Variants in SDK1 observed in about 807,000 individuals in gnomAD.
The protein encoded by SDK1 is protein sidekick-1.
In SDK1, 157 loss-of-function variants were observed where a neutral mutation model predicts 245.5. The ratio of observed to expected loss-of-function variants is 0.64; its 90% CI spans 0.56 to 0.73. The LOEUF (loss-of-function observed/expected upper bound fraction) is 0.73, where lower values mean the gene tolerates loss of function less well. Ranked by LOEUF, SDK1 falls within the 30% of genes least tolerant of loss-of-function variation. The probability of loss-of-function intolerance (pLI) is 0.00; values close to 1 mark genes in which losing one functional copy is unlikely to be tolerated. For missense variants in SDK1, 3,583 were observed against 3,002.3 expected (o/e 1.19, Z -4.52); for synonymous variants, 1,647 against 1,278.5 (o/e 1.29, Z -6.15).
chr7:3,324,445 G>T (rs1779892932), intron 1 of SDK1, among the ~76,000 whole-genome samples: 1 of 152,062 alleles, frequency 6.6e-6, no homozygotes, highest in Non-Finnish European at 1.5e-5. Flanking sequence ...TTCAGCCTTT[G>T]AAAAGTCGTT....
At chr7:4,131,136 A>G (rs936567192) in intron 27 of SDK1, among the ~76,000 whole-genome samples, 18 of 152,202 alleles carry the variant, frequency 1.2e-4, no homozygotes, top group African/African-American at 4.1e-4. Context: ...GCTCCAGTGT[A>G]TTCCAGGTTT....
At chr7:3,827,284 C>T (rs982158693) in intron 5 of SDK1, among the ~76,000 whole-genome samples, 4 of 152,162 alleles carry the variant, frequency 2.6e-5, no homozygotes, top group East Asian at 3.9e-4. Flanking sequence ...TTCCAAAGAA[C>T]CTATTTTCAG....
intron 4 of SDK1, among the ~76,000 whole-genome samples, chr7:3,709,352 C>G (rs1360951995): frequency 1.3e-5 from 2 of 152,208 alleles, no homozygotes; most frequent in African/African-American, 2.4e-5. Context: ...ATGCTGGAGA[C>G]TGGGCATGCA....
At chr7:3,426,567 G>A (rs1242058693) in intron 1 of SDK1, among the ~76,000 whole-genome samples, 1 of 152,178 alleles carries the variant, frequency 6.6e-6, no homozygotes, top group South Asian at 2.1e-4. Flanking sequence ...TACCTAGCAC[G>A]TTGCATCCAA....
At chr7:3,949,762 T>C (rs1481570454) in intron 5 of SDK1, among the ~76,000 whole-genome samples, 2 of 152,182 alleles carry the variant, frequency 1.3e-5, no homozygotes, top group African/African-American at 4.8e-5. Flanking sequence ...TTTTCTCCCT[T>C]GTCACCAGAA....
chr7:3,548,469 G>A (rs1269739957), intron 1 of SDK1, among the ~76,000 whole-genome samples: 1 of 152,136 alleles, frequency 6.6e-6, no homozygotes, highest in Non-Finnish European at 1.5e-5. Context: ...AAAGATGAGA[G>A]GAGAGAAACA....
chr7:3,946,120 A>G (rs539141471), intron 5 of SDK1, among the ~76,000 whole-genome samples: 1 of 150,128 alleles, frequency 6.7e-6, no homozygotes, highest in African/African-American at 2.4e-5. Context: ...GTCTAGAGTG[A>G]AAGGACCTTT....
intron 5 of SDK1, among the ~76,000 whole-genome samples, chr7:3,923,725 T>G (rs1779671844): frequency 6.6e-6 from 1 of 152,242 alleles, no homozygotes; most frequent in South Asian, 2.1e-4. Context: ...TTTAGTCCCC[T>G]CATGGCAACA....
chr7:4,170,589 G>A (rs1781778539), intron 32 of SDK1, among the ~76,000 whole-genome samples: 1 of 152,130 alleles, frequency 6.6e-6, no homozygotes, highest in South Asian at 2.1e-4. Flanking sequence ...GACACTGTCG[G>A]GAGCCAGATT....
intron 5 of SDK1, among the ~76,000 whole-genome samples, chr7:3,937,212 C>G (rs936835140): frequency 2.0e-5 from 3 of 152,194 alleles, no homozygotes; most frequent in African/African-American, 7.2e-5. Flanking sequence ...GGACCTCACT[C>G]TGTTCACTCA....
At chr7:4,201,960 A>G (rs569031344) in intron 35 of SDK1, among the ~76,000 whole-genome samples, 1 of 152,166 alleles carries the variant, frequency 6.6e-6, no homozygotes, top group Non-Finnish European at 1.5e-5. Flanking sequence ...TGAACCTAAC[A>G]TGCACCCCGT....
rs1195267588 is a variant in SDK1 at position 3,478,232 on chromosome 7, T to G, written c.299-140848T>G. Among the ~76,000 whole-genome samples, 4 of 152,304 alleles carry G rather than the reference T, an allele frequency of 2.6e-5. No individual in the cohort carries two copies. The East Asian group carries it at 7.7e-4, about 29-fold the overall frequency. ...TATTCTTTGGGATTAATTTGGGAGT[T>G]ATTTTATGTTTTATGAAATAACTTC... On this transcript the variant is annotated intron_variant, in intron 1 of 44. Transcript: ENST00000404826.
chr7:3,975,843 T>C (rs754226939), intron 13 of SDK1, among the ~76,000 whole-genome samples: 5 of 152,358 alleles, frequency 3.3e-5, no homozygotes, highest in South Asian at 2.1e-4. Context: ...TCCCCATGGC[T>C]CTACAGAATC....
intron 4 of SDK1, among the ~76,000 whole-genome samples, chr7:3,771,329 A>C (rs1647822175): frequency 6.6e-6 from 1 of 152,142 alleles, no homozygotes; most frequent in South Asian, 2.1e-4. Context: ...AACCAAAGCA[A>C]GTCACAGGAT....
At chr7:3,365,592 A>G (rs886783603) in intron 1 of SDK1, among the ~76,000 whole-genome samples, 5 of 152,240 alleles carry the variant, frequency 3.3e-5, no homozygotes, top group African/African-American at 1.2e-4. Flanking sequence ...TACTATACAC[A>G]TAAATGTTTT....
At chr7:3,505,245 A>T (rs1782357104) in intron 1 of SDK1, among the ~76,000 whole-genome samples, 1 of 152,074 alleles carries the variant, frequency 6.6e-6, no homozygotes, top group Non-Finnish European at 1.5e-5. Context: ...ACACATCTGT[A>T]ATTTATTGTT....
chr7:3,342,609 G>A (rs566324086), intron 1 of SDK1, among the ~76,000 whole-genome samples: 10 of 151,926 alleles, frequency 6.6e-5, no homozygotes, highest in Non-Finnish European at 1.5e-4. Flanking sequence ...AAAAAAAAAG[G>A]AAGTCTTCAG....
chr7:3,525,114 A>G (rs1488178610), intron 1 of SDK1, among the ~76,000 whole-genome samples: 2 of 152,312 alleles, frequency 1.3e-5, no homozygotes, highest in African/African-American at 4.8e-5. Context: ...TTGGAAGTGT[A>G]CAGGAGGATG....
intron 1 of SDK1, among the ~76,000 whole-genome samples, chr7:3,309,883 C>A (rs1438303596): frequency 6.6e-6 from 1 of 152,144 alleles, no homozygotes; most frequent in Non-Finnish European, 1.5e-5. Flanking sequence ...CTTGGCTCTT[C>A]TAAAATGGTT....
Sources: gnomAD v4.1 joint callset for allele counts (sites outside exome capture counted in the v4.1 genomes callset) on GRCh38, gnomAD v4.1.1 for gene constraint, MANE v1.5 for transcripts, NCBI Gene and HGNC (gene_info 2026-07-23, HGNC 2026-07-21) for gene names.